The following ATG13 variants were observed in gnomAD, a reference collection of about 807,000 sequenced individuals.
ATG13 encodes the protein autophagy related 13.
In ATG13, 23 loss-of-function variants were observed where a neutral mutation model predicts 65.5. The ratio of observed to expected loss-of-function variants is 0.35; its 90% CI spans 0.25 to 0.50. The LOEUF (loss-of-function observed/expected upper bound fraction) is 0.50. Ranked by LOEUF, ATG13 falls within the 20% of genes least tolerant of loss-of-function variation. ATG13 has a pLI of 0.98. For missense variants in ATG13, 566 were observed against 677.0 expected (o/e 0.84, Z 1.82); for synonymous variants, 252 against 245.2 (o/e 1.03, Z -0.26).
Position 46,668,507 on chromosome 11 carries a change from G to A in ATG13, c.1260G>A (p.Leu420=). 1.2e-6 allele frequency: 2 copies of A among 1,614,162 alleles called. No individual in the cohort carries two copies. Among genetic ancestry groups the A allele is most frequent in the Non-Finnish European group, 1.7e-6 (2 of 1,180,000 alleles). ...CTCCTGTGTCTCTTCAGGTGACCCT[G>A]ACGAGTTTGGATATACCCTTTGCCA... ...FVNKPINQVT[L]TSLDIPFAMF... The change falls in exon 16 of 19, where the codon CTG becomes CTA. Residue 420 remains leucine (L), a synonymous_variant. Coordinates refer to ENST00000683050, the MANE Select transcript of ATG13 (RefSeq NM_001346311.2).
At chr11:46,649,996 G>A (rs547290665) in intron 6 of ATG13, among the ~76,000 whole-genome samples, 181 bp from the exon 7 acceptor site, 11 of 152,234 alleles carry the variant, frequency 7.2e-5, no homozygotes, top group African/African-American at 2.6e-4. Context: ...GTGCCTTTTG[G>A]TGCTCATTTG....
At chr11:46,651,133 A>T (rs2058808708) in intron 7 of ATG13, among the ~76,000 whole-genome samples, 1 of 152,232 alleles carries the variant, frequency 6.6e-6, no homozygotes, top group South Asian at 2.1e-4. Context: ...GGAGAACTTA[A>T]GAACTATACA....
At chr11:46,667,093 G>A (rs1001000247) in intron 14 of ATG13, among the ~76,000 whole-genome samples, 3 of 152,186 alleles carry the variant, frequency 2.0e-5, no homozygotes, top group African/African-American at 4.8e-5. Flanking sequence ...AGGCCCCTGT[G>A]TGGAAATTCT....
At position 46,657,671 on chromosome 11, in the gene ATG13, A is replaced by G. The variant is rs764007741; in HGVS notation, c.695+49A>G. The G allele has an allele frequency of 4.1e-6, 6 of 1,470,664 alleles. No homozygotes were observed. In the South Asian group the frequency reaches 7.7e-5, roughly 19 times the overall value. 91.1% of individuals were successfully genotyped at this position (1,470,664 alleles called of 1,614,324 possible). A position where few individuals can be genotyped will look rare whatever the true frequency, so the allele number is the denominator to read the frequency against. On this transcript the variant is annotated intron_variant, in intron 10 of 18. Transcript: ENST00000683050. ...TCCCAAACTGCAGCTGGGCAGAAGC[A>G]TCCATCCTGCACAAGCACATGGAAC...
intron 16 of ATG13, 33 bp downstream of exon 16, chr11:46,668,609 G>C: frequency 6.3e-7 from 1 of 1,596,632 alleles, no homozygotes; most frequent in South Asian, 1.1e-5. Flanking sequence ...GTTCCCAGTA[G>C]ATGGTGCGCT....
chr11:46,633,026 A>ATATTT (rs1212138126), intron 2 of ATG13, among the ~76,000 whole-genome samples: 14 of 90,706 alleles, frequency 1.5e-4, no homozygotes, highest in African/African-American at 6.4e-4. Context: ...ATATATATAT[A>ATATTT]TTTTTTTTTT....
chr11:46,668,653 C>A, intron 16 of ATG13, 77 bp downstream of exon 16: 2 of 1,532,312 alleles, frequency 1.3e-6, no homozygotes, highest in Non-Finnish European at 1.8e-6. Context: ...AGTCACTAAT[C>A]CCCCACAGAC....
rs984529726 is a variant in ATG13 at position 46,673,093 on chromosome 11, G to A, written c.*761G>A. ...AAAGTTCTCTTCCTCTTGTCCCCCC[G>A]TTGCTGCTCCTTGGTTATAGAACAT... On this transcript the variant is annotated 3_prime_UTR_variant, in exon 19 of 19. Transcript: ENST00000683050. 1 of 179,886 alleles carries A rather than the reference G, an allele frequency of 5.6e-6. No homozygotes were observed. The highest frequency in any genetic ancestry group is 1.1e-4 in the South Asian group (1 of 9,398). 11.1% of individuals were successfully genotyped at this position (179,886 alleles called of 1,614,324 possible). A position where few individuals can be genotyped will look rare whatever the true frequency, so the allele number is the denominator to read the frequency against.
Position 46,672,638 on chromosome 11 carries a change from G to T in ATG13, c.*306G>T, listed in dbSNP as rs774115907. ...GCCCATCACCAACTGCTTCCCAAGG[G>T]TGTCATCCTGTTCCTCCTGCTGCCG... On this transcript the variant is annotated 3_prime_UTR_variant, in exon 19 of 19. Transcript: ENST00000683050. 48 of 1,398,232 alleles carry T rather than the reference G, an allele frequency of 3.4e-5. No individual in the cohort carries two copies. Among genetic ancestry groups the T allele is most frequent in the Non-Finnish European group, 4.3e-5 (45 of 1,054,164 alleles). 86.6% of individuals were successfully genotyped at this position (1,398,232 alleles called of 1,614,324 possible). A position where few individuals can be genotyped will look rare whatever the true frequency, so the allele number is the denominator to read the frequency against.
chr11:46,672,125 T>C, intron 18 of ATG13, 130 bp from the exon 19 acceptor site: 4 of 1,442,364 alleles, frequency 2.8e-6, no homozygotes, highest in Non-Finnish European at 3.8e-6. Context: ...TGCCCTGCGT[T>C]CTCCCACTTG....
Position 46,665,487 on chromosome 11 carries a change from C to T in ATG13, c.1104C>T (p.Asp368=), listed in dbSNP as rs1175186837. The change falls in exon 14 of 19, where the codon GAC becomes GAT. Residue 368 remains aspartate, a synonymous_variant. Coordinates refer to ENST00000683050, the MANE Select transcript of ATG13 (RefSeq NM_001346311.2). ...QERLATCTPS[D]RTHCAATPSS... ...GACTGGCAACCTGCACCCCTTCTGA[C>T]AGAACCCACTGTGCTGCCACACCCT... The T allele has an allele frequency of 4.3e-6, 7 of 1,614,122 alleles. No homozygotes were observed. Among genetic ancestry groups the T allele is most frequent in the Admixed American group, 3.3e-5 (2 of 60,008 alleles).
Position 46,672,711 on chromosome 11 carries a change from G to C in ATG13, c.*379G>C. 7.3e-7 allele frequency: 1 copy of C among 1,361,826 alleles called. No homozygotes were observed. Among genetic ancestry groups the C allele is most frequent in the Non-Finnish European group, 9.7e-7 (1 of 1,029,142 alleles). 84.4% of individuals were successfully genotyped at this position (1,361,826 alleles called of 1,614,324 possible). On this transcript the variant is annotated 3_prime_UTR_variant, in exon 19 of 19. Coordinates refer to ENST00000683050, the MANE Select transcript of ATG13 (RefSeq NM_001346311.2). ...GCAGCTGGCCCCTTCCCTGCCTGCT[G>C]TCACCATCCACTGTTTGACATTCCA...
intron 11 of ATG13, among the ~76,000 whole-genome samples, chr11:46,660,368 T>C (rs923129398): frequency 1.1e-4 from 17 of 151,026 alleles, no homozygotes; most frequent in Non-Finnish European, 7.4e-5. Context: ...CATGTGTTTT[T>C]ATTTACTGTT....
At chr11:46,627,533 C>T (rs750862397) in intron 1 of ATG13, among the ~76,000 whole-genome samples, 2 of 151,946 alleles carry the variant, frequency 1.3e-5, no homozygotes, top group Admixed American at 6.6e-5. Flanking sequence ...TGCAATGGCG[C>T]GATCTCAGCT....
intron 11 of ATG13, among the ~76,000 whole-genome samples, chr11:46,663,427 G>A (rs1020194403): frequency 1.3e-5 from 2 of 151,972 alleles, no homozygotes; most frequent in East Asian, 3.9e-4. Context: ...CTGTAAGAAC[G>A]CATACACACA....
At position 46,653,577 on chromosome 11, in the gene ATG13, T is replaced by G. The variant is rs561095854; in HGVS notation, c.459-2656T>G. On this transcript the variant is annotated intron_variant, in intron 7 of 18. Coordinates refer to ENST00000683050, the MANE Select transcript of ATG13 (RefSeq NM_001346311.2). Reference sequence around the variant, plus strand: ...TAACCATGAAGCTTCTTTTTTTTTTTTTTGTTTTTTGAGACGGAGTCTCGC... The same window carrying G: ...TAACCATGAAGCTTCTTTTTTTTTTGTTTGTTTTTTGAGACGGAGTCTCGC... Among the ~76,000 whole-genome samples, 594 of 152,070 alleles carry G rather than the reference T, an allele frequency of 3.9e-3. 3 individuals are homozygous for G. Among genetic ancestry groups the G allele is most frequent in the Middle Eastern group, 0.01 (3 of 294 alleles).
At chr11:46,621,363 T>A (rs73451819) in intron 1 of ATG13, among the ~76,000 whole-genome samples, 1,784 of 152,286 alleles carry the variant, frequency 0.012, 43 homozygotes, top group African/African-American at 0.041. Context: ...ACATGAAGTC[T>A]GTAGTTTATA....
At chr11:46,638,721 C>T (rs1317545763) in intron 2 of ATG13, 1 of 152,164 alleles carries the variant, frequency 6.6e-6, no homozygotes, top group Admixed American at 6.6e-5. Flanking sequence ...TAACATAATG[C>T]TCTCCAGGTT....
At chr11:46,633,622 C>T (rs1396373899) in intron 2 of ATG13, among the ~76,000 whole-genome samples, 1 of 152,108 alleles carries the variant, frequency 6.6e-6, no homozygotes, top group Non-Finnish European at 1.5e-5. Context: ...GTTGGGATTA[C>T]AGGCGTGAGC....
Sources: gnomAD v4.1 joint callset for allele counts (sites outside exome capture counted in the v4.1 genomes callset) on GRCh38, gnomAD v4.1.1 for gene constraint, MANE v1.5 for transcripts, NCBI Gene and HGNC (gene_info 2026-07-23, HGNC 2026-07-21) for gene names.